The following GALNT17 variants were observed in gnomAD, a reference collection of about 807,000 sequenced individuals.
GALNT17 encodes polypeptide N-acetylgalactosaminyltransferase 17.
Under a neutral mutation model 63.7 loss-of-function variants are expected in GALNT17, and 29 were observed. The ratio of observed to expected loss-of-function variants is 0.46; its 90% CI spans 0.34 to 0.62. GALNT17 has a LOEUF of 0.62. GALNT17 is among the 20% of genes least tolerant of loss of function. The pLI is 0.01. For missense variants in GALNT17, 603 were observed against 799.6 expected (o/e 0.75, Z 2.97); for synonymous variants, 305 against 318.3 (o/e 0.96, Z 0.45).
At chr7:71,147,952 C>T (rs1430499127) in intron 1 of GALNT17, among the ~76,000 whole-genome samples, 1 of 152,118 alleles carries the variant, frequency 6.6e-6, no homozygotes, top group Admixed American at 6.6e-5. Flanking sequence ...ATTTCAAAAG[C>T]CCTTCATTCT....
chr7:71,305,226 ATG>A lies in GALNT17; in HGVS notation c.239-30322_239-30321del, dbSNP rs993673265. ...TTTGGAGCAAAAATACTTTGAGCAC[ATG>A]TTAATTTTGCTAGTTTTTTGGGATA... On this transcript the variant is annotated intron_variant, in intron 1 of 10. Coordinates refer to ENST00000333538, the MANE Select transcript of GALNT17 (RefSeq NM_022479.3). Among the ~76,000 whole-genome samples the A allele has an allele frequency of 7.0e-4, 38 of 53,980 alleles. 1 individual carries two copies. Among genetic ancestry groups the A allele is most frequent in the South Asian group, 4.2e-3 (10 of 2,366 alleles). 35.4% of individuals were successfully genotyped at this position (53,980 alleles called of 152,430 possible).
chr7:71,291,735 A>G (rs1333954931), intron 1 of GALNT17, among the ~76,000 whole-genome samples: 2 of 152,172 alleles, frequency 1.3e-5, no homozygotes, highest in Non-Finnish European at 2.9e-5. Context: ...TATTTTGATT[A>G]TCTCTTGATT....
chr7:71,276,272 T>C (rs1790679822), intron 1 of GALNT17, among the ~76,000 whole-genome samples: 2 of 152,136 alleles, frequency 1.3e-5, no homozygotes, highest in Admixed American at 6.5e-5. Flanking sequence ...TGTTCTGAGC[T>C]GAACATACAA....
intron 1 of GALNT17, among the ~76,000 whole-genome samples, chr7:71,240,959 T>C (rs1374494937): frequency 6.6e-6 from 1 of 152,178 alleles, no homozygotes; most frequent in Non-Finnish European, 1.5e-5. Context: ...CCACTCGTAC[T>C]ACATTTTCTT....
intron 9 of GALNT17, among the ~76,000 whole-genome samples, chr7:71,705,120 A>C (rs1184931351): frequency 2.6e-5 from 4 of 152,176 alleles, no homozygotes; most frequent in African/African-American, 9.7e-5. Context: ...ATGTCAGAAA[A>C]ATGTCTTAGT....
intron 3 of GALNT17, among the ~76,000 whole-genome samples, chr7:71,414,374 T>C (rs1583931567): frequency 1.3e-5 from 2 of 152,254 alleles, no homozygotes; most frequent in African/African-American, 2.4e-5. Flanking sequence ...TTACCATTTA[T>C]TGAATGCATA....
At chr7:71,256,808 C>T (rs1346053061) in intron 1 of GALNT17, among the ~76,000 whole-genome samples, 1 of 152,138 alleles carries the variant, frequency 6.6e-6, no homozygotes, top group Non-Finnish European at 1.5e-5. Context: ...CTCAGTAGCT[C>T]GGTACTATTG....
At chr7:71,576,529 TTGTGTGTGTGTGTGTG>T (rs3048366) in intron 6 of GALNT17, among the ~76,000 whole-genome samples, 2 of 142,812 alleles carry the variant, frequency 1.4e-5, no homozygotes, top group Admixed American at 7.0e-5. Flanking sequence ...TTTTTTAACT[TTGTGTGTGTGTGTGTG>T]TGTGTGTGTG....
intron 5 of GALNT17, among the ~76,000 whole-genome samples, chr7:71,429,206 A>C (rs1786816010): frequency 1.3e-5 from 2 of 152,178 alleles, no homozygotes; most frequent in South Asian, 4.1e-4. Flanking sequence ...AACAGGGAGA[A>C]GGGGAAAGTC....
intron 2 of GALNT17, among the ~76,000 whole-genome samples, chr7:71,358,034 C>T (rs1792321375): frequency 6.6e-6 from 1 of 152,196 alleles, no homozygotes; most frequent in South Asian, 2.1e-4. Flanking sequence ...CGGCAACCCG[C>T]TCGGGTCCCC....
chr7:71,455,300 G>A (rs1045941748), intron 5 of GALNT17, among the ~76,000 whole-genome samples: 2 of 152,074 alleles, frequency 1.3e-5, no homozygotes, highest in African/African-American at 4.8e-5. Context: ...TGGCACCTAG[G>A]GTAGAAAGCT....
intron 6 of GALNT17, among the ~76,000 whole-genome samples, chr7:71,654,741 A>G (rs1450777223): frequency 6.6e-6 from 1 of 152,196 alleles, no homozygotes; most frequent in African/African-American, 2.4e-5. Context: ...AGCTTCTGAA[A>G]ATAGATCACA....
intron 4 of GALNT17, 93 bp from the exon 5 acceptor site, chr7:71,420,810 AGCCTT>A: frequency 6.9e-7 from 1 of 1,443,134 alleles, no homozygotes; most frequent in Non-Finnish European, 9.6e-7. Flanking sequence ...CCCAAAGCCC[AGCCTT>A]AAGTAGCTAA....
chr7:71,329,970 CGTATATGTGTGTGTGTATATAT>C (rs1791778237), intron 1 of GALNT17, among the ~76,000 whole-genome samples: 5 of 144,684 alleles, frequency 3.5e-5, no homozygotes, highest in African/African-American at 5.2e-5. Flanking sequence ...TATATATATA[CGTATATGTGTGTGTGTATATAT>C]ATACATATAT....
Position 71,556,197 on chromosome 7 carries a change from A to G in GALNT17, c.963-15088A>G, listed in dbSNP as rs139409808. On this transcript the variant is annotated intron_variant, in intron 5 of 10. Coordinates refer to ENST00000333538, the MANE Select transcript of GALNT17 (RefSeq NM_022479.3). The stretch of plus-strand genomic sequence containing the variant: ...AAAGCTGTCTTCTTACCTGAATCTC[A>G]TTTGGTTCCGAGAACAATTGCTGTC... Among the ~76,000 whole-genome samples, 7 of 152,322 alleles carry G rather than the reference A, an allele frequency of 4.6e-5. No homozygotes were observed. In the East Asian group the frequency reaches 1.4e-3, roughly 29 times the overall value.
chr7:71,505,030 G>A (rs1482741036), intron 5 of GALNT17, among the ~76,000 whole-genome samples: 1 of 152,136 alleles, frequency 6.6e-6, no homozygotes, highest in Non-Finnish European at 1.5e-5. Flanking sequence ...ACGCTGTTGT[G>A]TGCATACACT....
chr7:71,477,147 A>G (rs914506521), intron 5 of GALNT17, among the ~76,000 whole-genome samples: 3 of 152,214 alleles, frequency 2.0e-5, no homozygotes, highest in Admixed American at 6.5e-5. Flanking sequence ...CATCATCATC[A>G]TTATCATCAA....
At chr7:71,324,880 A>T (rs991389167) in intron 1 of GALNT17, among the ~76,000 whole-genome samples, 7 of 152,160 alleles carry the variant, frequency 4.6e-5, no homozygotes, top group Non-Finnish European at 1.5e-5. Flanking sequence ...TGTCTAATAG[A>T]CATTTGTCAT....
At chr7:71,245,951 C>T (rs1050539130) in intron 1 of GALNT17, among the ~76,000 whole-genome samples, 12 of 149,942 alleles carry the variant, frequency 8.0e-5, no homozygotes, top group Non-Finnish European at 1.5e-4. Context: ...CAGAATCACA[C>T]CTTTGGAAAG....
Sources: allele counts gnomAD v4.1 joint callset (sites outside exome capture counted in the v4.1 genomes callset), GRCh38; gene constraint gnomAD v4.1.1; transcripts MANE v1.5; gene names NCBI Gene and HGNC (gene_info 2026-07-23, HGNC 2026-07-21).